Variants in THSD7B observed in about 807,000 individuals in gnomAD.
THSD7B encodes thrombospondin type 1 domain containing 7B, also known as thrombospondin type-1 domain-containing protein 7B.
Under a neutral mutation model 213.6 loss-of-function variants are expected in THSD7B, and 138 were observed. The ratio of observed to expected loss-of-function variants is 0.65; its 90% CI spans 0.56 to 0.74. THSD7B has a LOEUF of 0.74. THSD7B is among the 30% of genes least tolerant of loss of function. The pLI, the probability that THSD7B is intolerant of heterozygous loss-of-function variation, is 0.00. For missense variants in THSD7B, 1,931 were observed against 1,991.5 expected (o/e 0.97, Z 0.58); for synonymous variants, 742 against 687.0 (o/e 1.08, Z -1.25).
chr2:137,468,615 T>G (rs1688036523), intron 15 of THSD7B, among the ~76,000 whole-genome samples: 1 of 18,826 alleles, frequency 5.3e-5, no homozygotes, highest in Non-Finnish European at 1.2e-4. Context: ...AATAGATTTG[T>G]GTGTGTGGAG....
intron 12 of THSD7B, among the ~76,000 whole-genome samples, chr2:137,284,496 T>C (rs1294277805): frequency 6.6e-6 from 1 of 152,126 alleles, no homozygotes; most frequent in Non-Finnish European, 1.5e-5. Flanking sequence ...GATGTTAGGG[T>C]GTCAATTTTA....
intron 2 of THSD7B, among the ~76,000 whole-genome samples, chr2:137,010,434 A>G (rs1449760174): frequency 6.6e-6 from 1 of 152,174 alleles, no homozygotes; most frequent in Admixed American, 6.5e-5. Context: ...AATAACAGTA[A>G]TGTCTACCTC....
At chr2:137,571,462 T>C (rs559089778) in intron 16 of THSD7B, among the ~76,000 whole-genome samples, 1 of 152,278 alleles carries the variant, frequency 6.6e-6, no homozygotes, top group Admixed American at 6.5e-5. Context: ...AAGTGGATTG[T>C]TGGGTTACAT....
intron 12 of THSD7B, among the ~76,000 whole-genome samples, chr2:137,357,048 A>G (rs2104929059): frequency 6.6e-6 from 1 of 151,542 alleles, no homozygotes; most frequent in East Asian, 1.9e-4. Context: ...TTGGCTTGGA[A>G]ATGTATTATG....
At chr2:137,524,766 C>A (rs1452126551) in intron 15 of THSD7B, among the ~76,000 whole-genome samples, 1 of 152,074 alleles carries the variant, frequency 6.6e-6, no homozygotes, top group African/African-American at 2.4e-5. Context: ...GATGAATATT[C>A]CATGGATATG....
chr2:137,060,332 G>T (rs147990461), intron 3 of THSD7B, among the ~76,000 whole-genome samples: 39 of 151,634 alleles, frequency 2.6e-4, no homozygotes, highest in Admixed American at 2.5e-3. Context: ...TTTCTTGATG[G>T]TGTTGTTCAC....
chr2:136,942,589 G>A (rs1684847323), intron 2 of THSD7B, among the ~76,000 whole-genome samples: 1 of 152,044 alleles, frequency 6.6e-6, no homozygotes, highest in Admixed American at 6.6e-5. Flanking sequence ...TGGATTCCTA[G>A]GTATTTTATT....
At chr2:137,322,837 C>T (rs191986434) in intron 12 of THSD7B, among the ~76,000 whole-genome samples, 36 of 152,274 alleles carry the variant, frequency 2.4e-4, no homozygotes, top group African/African-American at 7.9e-4. Context: ...AGAGCCTCAC[C>T]TTGTTTCCTG....
intron 2 of THSD7B, among the ~76,000 whole-genome samples, chr2:137,028,519 C>T (rs1368057): frequency 0.071 from 10,882 of 152,228 alleles, 421 homozygotes; most frequent in East Asian, 0.14. Flanking sequence ...AATGAGAAAA[C>T]ATCTAAACTT....
chr2:137,368,061 C>G (rs915469201), intron 12 of THSD7B, among the ~76,000 whole-genome samples: 9 of 152,048 alleles, frequency 5.9e-5, no homozygotes, highest in African/African-American at 2.2e-4. Flanking sequence ...CTAAAGGACT[C>G]AGGGCCACTT....
chr2:136,884,834 C>T (rs1683689814), intron 2 of THSD7B, among the ~76,000 whole-genome samples: 1 of 151,908 alleles, frequency 6.6e-6, no homozygotes, highest in African/African-American at 2.4e-5. Context: ...TCCTCTATTG[C>T]TTGGCATTTC....
intron 2 of THSD7B, among the ~76,000 whole-genome samples, chr2:137,042,744 A>G (rs952682660): frequency 3.3e-5 from 5 of 152,172 alleles, no homozygotes; most frequent in African/African-American, 1.2e-4. Context: ...AACTTTTAAA[A>G]CTCAGCATTT....
At chr2:137,654,609 G>T (rs1176551617) in intron 21 of THSD7B, among the ~76,000 whole-genome samples, 1 of 152,018 alleles carries the variant, frequency 6.6e-6, no homozygotes, top group Non-Finnish European at 1.5e-5. Context: ...TTCGGGGGAG[G>T]GCTATTGCAG....
At position 137,374,610 on chromosome 2, in the gene THSD7B, G is replaced by A. The variant is rs1419081549; in HGVS notation, c.2501-31003G>A. Among the ~76,000 whole-genome samples, 3 of 152,182 alleles carry A rather than the reference G, an allele frequency of 2.0e-5. No individual in the cohort carries two copies. The East Asian group carries it at 5.8e-4, about 29-fold the overall frequency. On this transcript the variant is annotated intron_variant, in intron 12 of 27. Transcript: ENST00000409968. ...GTAGAATGTTTTCCATTGTGTATTA[G>A]CATGCTGTGTGTACTTAACATGTCA...
At chr2:137,303,130 G>A (rs1312269308) in intron 12 of THSD7B, among the ~76,000 whole-genome samples, 2 of 152,170 alleles carry the variant, frequency 1.3e-5, no homozygotes, top group Non-Finnish European at 2.9e-5. Flanking sequence ...AGCCTGCCAA[G>A]TAGCCAGTAC....
chr2:137,465,028 A>G (rs568432806), intron 15 of THSD7B, among the ~76,000 whole-genome samples: 49 of 152,066 alleles, frequency 3.2e-4, no homozygotes, highest in African/African-American at 1.1e-3. Flanking sequence ...GTAGAGCCCA[A>G]AGCATGTTCC....
At chr2:137,544,097 G>A (rs1174403057) in intron 15 of THSD7B, among the ~76,000 whole-genome samples, 2 of 151,604 alleles carry the variant, frequency 1.3e-5, no homozygotes, top group East Asian at 1.9e-4. Context: ...ACATGACCCA[G>A]CAATTCTACT....
At chr2:137,370,846 T>G (rs1685523728) in intron 12 of THSD7B, among the ~76,000 whole-genome samples, 1 of 152,134 alleles carries the variant, frequency 6.6e-6, no homozygotes, top group Non-Finnish European at 1.5e-5. Context: ...CTCCAAAAGT[T>G]ATATAATTTC....
intron 12 of THSD7B, among the ~76,000 whole-genome samples, chr2:137,307,787 G>C (rs1254859060): frequency 2.6e-5 from 4 of 152,110 alleles, no homozygotes; most frequent in Admixed American, 2.0e-4. Flanking sequence ...TCTTAGAGTA[G>C]ATTAGCATGT....
Sources: gnomAD v4.1 joint callset for allele counts (sites outside exome capture counted in the v4.1 genomes callset) on GRCh38, gnomAD v4.1.1 for gene constraint, MANE v1.5 for transcripts, NCBI Gene and HGNC (gene_info 2026-07-23, HGNC 2026-07-21) for gene names.